ENPEP: variants seen among roughly 807,000 people sequenced by gnomAD.
ENPEP encodes the protein AP-A.
ENPEP carries 103 observed loss-of-function variants against 114.5 expected under a neutral mutation model. That is an observed-to-expected ratio of 0.90 (90% CI 0.77 to 1.06). The LOEUF is 1.06. Ranked by LOEUF, ENPEP falls within the 50% of genes least tolerant of loss-of-function variation. The probability of loss-of-function intolerance (pLI) is 0.00; values close to 1 mark genes in which losing one functional copy is unlikely to be tolerated. For missense variants in ENPEP, 1,196 were observed against 1,161.3 expected (o/e 1.03, Z -0.43); for synonymous variants, 420 against 422.0 (o/e 1.00, Z 0.06).
At chr4:110,511,920 C>T (rs10027031) in intron 6 of ENPEP, among the ~76,000 whole-genome samples, 44,832 of 151,940 alleles carry the variant, frequency 0.3, 6,918 homozygotes, top group Non-Finnish European at 0.33. Flanking sequence ...CTCGCCACCA[C>T]TCCTGGCTAA....
chr4:110,542,141 C>T (rs546611095), intron 11 of ENPEP, among the ~76,000 whole-genome samples: 34 of 152,148 alleles, frequency 2.2e-4, no homozygotes, highest in Admixed American at 1.6e-3. Context: ...AGTGTGAAGT[C>T]GATTACAAAA....
At chr4:110,494,741 T>C (rs532903271) in intron 3 of ENPEP, among the ~76,000 whole-genome samples, 25 of 152,344 alleles carry the variant, frequency 1.6e-4, no homozygotes, top group African/African-American at 5.5e-4. Context: ...TCACTCTTCA[T>C]ATTTTCTTTT....
chr4:110,490,019 A>G (rs1159262233), intron 2 of ENPEP, among the ~76,000 whole-genome samples: 2 of 152,216 alleles, frequency 1.3e-5, no homozygotes, highest in Non-Finnish European at 2.9e-5. Flanking sequence ...TGATTGGAGA[A>G]GAAAGAGGAA....
At chr4:110,500,820 C>T (rs1725126957) in intron 3 of ENPEP, among the ~76,000 whole-genome samples, 1 of 152,038 alleles carries the variant, frequency 6.6e-6, no homozygotes, top group South Asian at 2.1e-4. Context: ...TGAACTTTAT[C>T]ATGTACAGAA....
intron 19 of ENPEP, among the ~76,000 whole-genome samples, chr4:110,560,869 A>G (rs1330397502): frequency 1.3e-5 from 2 of 152,220 alleles, no homozygotes; most frequent in African/African-American, 4.8e-5. Context: ...TGTATGTTAA[A>G]AAGCCAAATT....
intron 14 of ENPEP, 108 bp from the exon 15 acceptor site, chr4:110,549,238 T>C: frequency 1.1e-6 from 1 of 900,010 alleles, no homozygotes; most frequent in Admixed American, 2.4e-5. Flanking sequence ...CAAAGTTCTC[T>C]GAATTAGTAG....
At chr4:110,489,986 T>A (rs1724642616) in intron 2 of ENPEP, among the ~76,000 whole-genome samples, 2 of 152,174 alleles carry the variant, frequency 1.3e-5, no homozygotes, top group South Asian at 4.1e-4. Flanking sequence ...GAATTAATTA[T>A]CAATTTGTTT....
At chr4:110,479,927 A>G (rs538920612) in intron 1 of ENPEP, among the ~76,000 whole-genome samples, 3 of 152,342 alleles carry the variant, frequency 2.0e-5, no homozygotes, top group South Asian at 2.1e-4. Context: ...GTACTTTATA[A>G]GTCTAAAAAA....
At chr4:110,485,482 C>CG (rs150694000) in intron 1 of ENPEP, among the ~76,000 whole-genome samples, 1,710 of 152,248 alleles carry the variant, frequency 0.011, 71 homozygotes, top group East Asian at 0.082. Flanking sequence ...TTCTTAAGCA[C>CG]GGGGGCATTC....
rs1002543997 is a variant in ENPEP at position 110,564,680 on chromosome 4, A to G, written c.*3122A>G. ...TGTTAGCCTGTGTTATTGTTCATAA[A>G]TAGTAATTGCCCTGGTCTGGAAGAG... On this transcript the variant is annotated 3_prime_UTR_variant, in exon 20 of 20. Coordinates refer to ENST00000265162, the MANE Select transcript of ENPEP (RefSeq NM_001977.4). The G allele has an allele frequency of 9.2e-5, 14 of 152,224 alleles. No homozygotes were observed. Among genetic ancestry groups the G allele is most frequent in the Admixed American group, 3.3e-4 (5 of 15,288 alleles). The allele number at this position is 152,224 out of a possible 1,614,324, so 9.4% of individuals were successfully genotyped here. A position where few individuals can be genotyped will look rare whatever the true frequency, so the allele number is the denominator to read the frequency against.
intron 17 of ENPEP, among the ~76,000 whole-genome samples, chr4:110,552,585 A>G (rs115378819): frequency 5.2e-4 from 79 of 152,218 alleles, no homozygotes; most frequent in African/African-American, 1.8e-3. Flanking sequence ...AATACATCTA[A>G]TCTATCAGTA....
intron 10 of ENPEP, among the ~76,000 whole-genome samples, chr4:110,530,792 A>G (rs1726378282): frequency 6.6e-6 from 1 of 152,316 alleles, no homozygotes; most frequent in East Asian, 1.9e-4. Flanking sequence ...TTTGTCTTCT[A>G]ATTTCTAAAA....
intron 11 of ENPEP, among the ~76,000 whole-genome samples, chr4:110,542,475 C>A (rs1189201081): frequency 1.3e-5 from 2 of 152,002 alleles, no homozygotes; most frequent in Non-Finnish European, 2.9e-5. Flanking sequence ...TTATTTCGCC[C>A]ATTTGACAAG....
rs564724994 is a variant in ENPEP, at chr4:110,526,770, A to G, written c.1728-4428A>G. Among the ~76,000 whole-genome samples the G allele has an allele frequency of 3.3e-5, 5 of 152,292 alleles. No homozygotes were observed. In the East Asian group the frequency reaches 9.7e-4, roughly 29 times the overall value. On this transcript the variant is annotated intron_variant, in intron 10 of 19. Transcript: ENST00000265162. Reference sequence around the variant, plus strand: ...GGAGGCAGGGAGACCAGTTAGGACAATATTGCAATGAGCAGCCCACGTGAT... The same window carrying G: ...GGAGGCAGGGAGACCAGTTAGGACAGTATTGCAATGAGCAGCCCACGTGAT...
chr4:110,485,986 G>A (rs1177051957), intron 1 of ENPEP, among the ~76,000 whole-genome samples: 2 of 152,106 alleles, frequency 1.3e-5, no homozygotes, highest in Non-Finnish European at 2.9e-5. Context: ...AAGTTACAAG[G>A]TTTCTCTTTA....
At chr4:110,558,352 A>G (rs959936593) in intron 18 of ENPEP, among the ~76,000 whole-genome samples, 1 of 150,618 alleles carries the variant, frequency 6.6e-6, no homozygotes, top group Non-Finnish European at 1.5e-5. Context: ...CAGTGGCACA[A>G]TCTTGGTTCA....
At chr4:110,545,937 G>A (rs774014368) in intron 13 of ENPEP, among the ~76,000 whole-genome samples, 17 of 151,986 alleles carry the variant, frequency 1.1e-4, no homozygotes, top group Non-Finnish European at 1.8e-4. Context: ...ATTTCTCAGG[G>A]TGTCAGACAC....
chr4:110,543,071 G>T lies in ENPEP; in HGVS notation c.2000+1G>T, dbSNP rs1248704330. ...TTGATGATGCTTTTGCCTTGGCAAG[G>T]TGCGTTTTAGAATGAGACTAAATTA... On this transcript the variant is annotated splice_donor_variant, in intron 13 of 19. Coordinates refer to ENST00000265162, the MANE Select transcript of ENPEP (RefSeq NM_001977.4). LOFTEE classifies it high-confidence loss of function. 6.2e-7 allele frequency: 1 copy of T among 1,612,384 alleles called. No homozygotes were observed. Among genetic ancestry groups the T allele is most frequent in the Admixed American group, 1.7e-5 (1 of 59,928 alleles).
At chr4:110,480,378 T>C (rs1724264008) in intron 1 of ENPEP, among the ~76,000 whole-genome samples, 1 of 152,168 alleles carries the variant, frequency 6.6e-6, no homozygotes, top group Non-Finnish European at 1.5e-5. Flanking sequence ...GGAGTTCTCA[T>C]CCACAGGCTC....
Sources: allele counts gnomAD v4.1 joint callset (sites outside exome capture counted in the v4.1 genomes callset), GRCh38; gene constraint gnomAD v4.1.1; transcripts MANE v1.5; gene names NCBI Gene and HGNC (gene_info 2026-07-23, HGNC 2026-07-21).